The following FGF12 variants were observed in gnomAD, a reference collection of about 807,000 sequenced individuals.
The protein encoded by FGF12 is fibroblast growth factor 12, also known as fibroblast growth factor 12B.
Under a neutral mutation model 23.6 loss-of-function variants are expected in FGF12, and 14 were observed. That is an observed-to-expected ratio of 0.59 (90% CI 0.39 to 0.93). The LOEUF is 0.93. Ranked by LOEUF, FGF12 falls within the 40% of genes least tolerant of loss-of-function variation. The pLI is 0.00. For missense variants in FGF12, 175 were observed against 217.8 expected (o/e 0.80, Z 1.24); for synonymous variants, 62 against 77.3 (o/e 0.80, Z 1.04).
chr3:192,412,883 A>T (rs886599655), intron 2 of FGF12, among the ~76,000 whole-genome samples: 9 of 152,238 alleles, frequency 5.9e-5, no homozygotes, highest in African/African-American at 1.9e-4. Context: ...CCAGGTATTT[A>T]AAGGGTTATG....
At chr3:192,694,794 T>C (rs1266806255) in intron 2 of FGF12, among the ~76,000 whole-genome samples, 1 of 152,032 alleles carries the variant, frequency 6.6e-6, no homozygotes, top group Non-Finnish European at 1.5e-5. Flanking sequence ...GCATACACTG[T>C]ATCACTCTTA....
intron 2 of FGF12, among the ~76,000 whole-genome samples, chr3:192,435,449 T>A (rs890516230): frequency 2.0e-5 from 3 of 152,210 alleles, no homozygotes; most frequent in Non-Finnish European, 4.4e-5. Flanking sequence ...GACTGCTCAC[T>A]GTGATAATCC....
At chr3:192,270,682 T>A (rs1453616239) in intron 4 of FGF12, among the ~76,000 whole-genome samples, 1 of 152,034 alleles carries the variant, frequency 6.6e-6, no homozygotes, top group Non-Finnish European at 1.5e-5. Context: ...CACACTTACA[T>A]AACCCATATA....
At chr3:192,429,055 A>G (rs1721774022) in intron 2 of FGF12, among the ~76,000 whole-genome samples, 1 of 152,082 alleles carries the variant, frequency 6.6e-6, no homozygotes, top group Admixed American at 6.6e-5. Flanking sequence ...TTGGGCAAAA[A>G]CTATGTTTAC....
intron 4 of FGF12, among the ~76,000 whole-genome samples, chr3:192,217,841 T>C (rs1718271038): frequency 6.6e-6 from 1 of 151,960 alleles, no homozygotes; most frequent in Admixed American, 6.6e-5. Context: ...TTTCTTTTCT[T>C]TTCTTTTTTT....
intron 4 of FGF12, among the ~76,000 whole-genome samples, chr3:192,195,183 T>C (rs1226118290): frequency 6.6e-6 from 1 of 152,246 alleles, no homozygotes; most frequent in Non-Finnish European, 1.5e-5. Flanking sequence ...ATTTTTTTTA[T>C]ATGTAATGTA....
At chr3:192,179,405 G>A (rs1716041223) in intron 4 of FGF12, among the ~76,000 whole-genome samples, 1 of 152,102 alleles carries the variant, frequency 6.6e-6, no homozygotes, top group Admixed American at 6.5e-5. Context: ...GTGACGTACT[G>A]GAAATGTAAT....
intron 2 of FGF12, among the ~76,000 whole-genome samples, chr3:192,523,398 A>G (rs1724869318): frequency 6.6e-6 from 1 of 152,206 alleles, no homozygotes; most frequent in Non-Finnish European, 1.5e-5. Flanking sequence ...TAAACTATAT[A>G]TTCATTTTTA....
chr3:192,205,534 T>C (rs1164432385), intron 4 of FGF12, among the ~76,000 whole-genome samples: 1 of 152,214 alleles, frequency 6.6e-6, no homozygotes, highest in African/African-American at 2.4e-5. Context: ...AAGAATATTA[T>C]GCATAAAACT....
At chr3:192,616,536 T>C (rs539345603) in intron 2 of FGF12, among the ~76,000 whole-genome samples, 9 of 152,004 alleles carry the variant, frequency 5.9e-5, no homozygotes, top group Non-Finnish European at 7.4e-5. Context: ...CTCAGAATTT[T>C]GTTGTTTGAA....
chr3:192,175,344 T>C (rs1715800698), intron 4 of FGF12, among the ~76,000 whole-genome samples: 1 of 152,174 alleles, frequency 6.6e-6, no homozygotes. Context: ...TGTTTCTTTT[T>C]CCTATAGTCT....
intron 4 of FGF12, among the ~76,000 whole-genome samples, chr3:192,269,928 T>G (rs538852547): frequency 6.6e-6 from 1 of 152,282 alleles, no homozygotes; most frequent in Admixed American, 6.5e-5. Context: ...TAGTGAGCCC[T>G]GTGTTATAAA....
intron 4 of FGF12, among the ~76,000 whole-genome samples, chr3:192,334,146 G>C (rs1023013870): frequency 6.6e-6 from 1 of 152,072 alleles, no homozygotes; most frequent in Non-Finnish European, 1.5e-5. Context: ...TCCGAGCTTA[G>C]GCAGATAAGG....
In FGF12 at chr3:192,618,596, C is replaced by A. The variant is rs186404035; in HGVS notation, c.13+108585G>T. On this transcript the variant is annotated intron_variant, in intron 2 of 5. Coordinates refer to ENST00000445105, the MANE Select transcript of FGF12 (RefSeq NM_004113.6). ...CCTCAGAATTAAAGCTAAAAATATT[C>A]TCTCTAAAACTCTGGCTCAGAAATG... 6.0e-4 allele frequency among the ~76,000 whole-genome samples: 91 copies of A among 152,180 alleles called. 1 individual carries two copies. The highest frequency in any genetic ancestry group is 3.9e-3 in the East Asian group (20 of 5,178).
At chr3:192,193,074 A>G (rs966368299) in intron 4 of FGF12, among the ~76,000 whole-genome samples, 5 of 152,206 alleles carry the variant, frequency 3.3e-5, no homozygotes, top group Non-Finnish European at 7.3e-5. Context: ...GAAGTTGGGT[A>G]TCAGTGGTCT....
At chr3:192,410,139 G>A (rs1258291835) in intron 2 of FGF12, among the ~76,000 whole-genome samples, 1 of 152,064 alleles carries the variant, frequency 6.6e-6, no homozygotes, top group Non-Finnish European at 1.5e-5. Context: ...CCACGGAAGA[G>A]CGAAAGAGCG....
At chr3:192,305,695 T>TATATATATATATATAA (rs1299668639) in intron 4 of FGF12, among the ~76,000 whole-genome samples, 3 of 144,782 alleles carry the variant, frequency 2.1e-5, no homozygotes, top group African/African-American at 5.1e-5. Context: ...TATATATATA[T>TATATATATATATATAA]AAATATATAT....
At chr3:192,269,477 C>G (rs930550135) in intron 4 of FGF12, among the ~76,000 whole-genome samples, 1 of 152,200 alleles carries the variant, frequency 6.6e-6, no homozygotes, top group Non-Finnish European at 1.5e-5. Flanking sequence ...CAGGGGTTAT[C>G]AGCCCTGCAA....
chr3:192,226,092 C>T (rs995711884), intron 4 of FGF12, among the ~76,000 whole-genome samples: 2 of 152,060 alleles, frequency 1.3e-5, no homozygotes, highest in African/African-American at 4.8e-5. Context: ...TAGCTCCTCA[C>T]CACCTGCAAA....
Sources: allele counts gnomAD v4.1 joint callset (sites outside exome capture counted in the v4.1 genomes callset), GRCh38; gene constraint gnomAD v4.1.1; transcripts MANE v1.5; gene names NCBI Gene and HGNC (gene_info 2026-07-23, HGNC 2026-07-21).